Variants in KCNQ3 observed in about 807,000 individuals in gnomAD.
The protein encoded by KCNQ3 is potassium voltage-gated channel subfamily Q member 3.
In KCNQ3, 30 loss-of-function variants were observed where a neutral mutation model predicts 92.5. The observed-to-expected ratio is 0.32, with a 90% CI of 0.24 to 0.44. KCNQ3 has a LOEUF of 0.44. KCNQ3 is among the 20% of genes least tolerant of loss of function. The probability of loss-of-function intolerance (pLI) is 1.00; values close to 1 mark genes in which losing one functional copy is unlikely to be tolerated. For missense variants in KCNQ3, 913 were observed against 1,140.3 expected, an observed-to-expected ratio of 0.80 and a Z score of 2.87; for synonymous variants, 450 against 468.8, an observed-to-expected ratio of 0.96 and a Z score of 0.52.
chr8:132,227,551 A>C (rs1273310731), intron 1 of KCNQ3, among the ~76,000 whole-genome samples: 1 of 152,182 alleles, frequency 6.6e-6, no homozygotes, highest in African/African-American at 2.4e-5. Context: ...TGGAAAAATA[A>C]GTTTCTGCAG....
At chr8:132,163,397 C>A (rs1826049804) in intron 9 of KCNQ3, 71 bp downstream of exon 9, 1 of 1,335,780 alleles carries the variant, frequency 7.5e-7, no homozygotes, top group Middle Eastern at 1.8e-4. Flanking sequence ...TGGGGCCCTA[C>A]ACCATATGGA....
At chr8:132,310,557 T>A (rs538729173) in intron 1 of KCNQ3, among the ~76,000 whole-genome samples, 1 of 152,198 alleles carries the variant, frequency 6.6e-6, no homozygotes, top group African/African-American at 2.4e-5. Context: ...TGTGACTGAC[T>A]GAGATGATGC....
chr8:132,291,890 G>T (rs187350816), intron 1 of KCNQ3, among the ~76,000 whole-genome samples: 44 of 152,306 alleles, frequency 2.9e-4, no homozygotes, highest in African/African-American at 1.0e-3. Context: ...TCCATAAGTT[G>T]CAGATAACAG....
At chr8:132,362,374 C>T (rs537846647) in intron 1 of KCNQ3, among the ~76,000 whole-genome samples, 9 of 152,246 alleles carry the variant, frequency 5.9e-5, no homozygotes, top group African/African-American at 2.2e-4. Context: ...AAATTCAAAG[C>T]GTGCCTTAAG....
chr8:132,158,732 C>T (rs115536052), intron 9 of KCNQ3, among the ~76,000 whole-genome samples: 1,988 of 152,272 alleles, frequency 0.013, 41 homozygotes, highest in African/African-American at 0.044. Context: ...AAAAATAGTA[C>T]CTATCTCTTA....
At chr8:132,304,088 G>T (rs993570796) in intron 1 of KCNQ3, among the ~76,000 whole-genome samples, 1 of 151,976 alleles carries the variant, frequency 6.6e-6, no homozygotes, top group South Asian at 2.1e-4. Flanking sequence ...CTTGTAAATG[G>T]GAAATAAACC....
intron 1 of KCNQ3, among the ~76,000 whole-genome samples, chr8:132,277,109 T>G (rs1816360010): frequency 6.6e-6 from 1 of 152,154 alleles, no homozygotes; most frequent in Non-Finnish European, 1.5e-5. Flanking sequence ...TGATTAAAAC[T>G]TATTATGTGC....
chr8:132,425,832 T>C (rs1050156711), intron 1 of KCNQ3, among the ~76,000 whole-genome samples: 2 of 152,252 alleles, frequency 1.3e-5, no homozygotes, highest in South Asian at 4.1e-4. Context: ...AATGAATCTG[T>C]GTTTTCCAGT....
chr8:132,438,528 T>C (rs2130833928), intron 1 of KCNQ3, among the ~76,000 whole-genome samples: 1 of 152,248 alleles, frequency 6.6e-6, no homozygotes, highest in Admixed American at 6.5e-5. Flanking sequence ...CCAGAGGCCC[T>C]GGCCAGGCTC....
At chr8:132,251,828 T>G (rs1563630) in intron 1 of KCNQ3, among the ~76,000 whole-genome samples, 117,047 of 152,056 alleles carry the variant, frequency 0.77, 45,156 homozygotes, top group East Asian at 0.9. Flanking sequence ...CAAGCAAACA[T>G]CCCTCTCGGA....
chr8:132,143,972 A>G (rs1478659163), intron 9 of KCNQ3, among the ~76,000 whole-genome samples: 1 of 152,236 alleles, frequency 6.6e-6, no homozygotes, highest in Admixed American at 6.5e-5. Context: ...AATTCCAGAT[A>G]AACTAAGCAA....
chr8:132,346,256 A>G (rs1379581), intron 1 of KCNQ3, among the ~76,000 whole-genome samples: 86,367 of 152,048 alleles, frequency 0.57, 27,401 homozygotes, highest in African/African-American at 0.87. Flanking sequence ...TAAGCCACAT[A>G]TGGGTACCCT....
chr8:132,382,556 T>C (rs1819781669), intron 1 of KCNQ3, among the ~76,000 whole-genome samples: 2 of 152,190 alleles, frequency 1.3e-5, no homozygotes, highest in Admixed American at 6.5e-5. Flanking sequence ...TAGGTATTAA[T>C]TTATAGCAAC....
At chr8:132,303,565 G>GATATATATATATATATATATATATATAT (rs781058299) in intron 1 of KCNQ3, among the ~76,000 whole-genome samples, 425 of 42,462 alleles carry the variant, frequency 0.01, 99 homozygotes, top group Middle Eastern at 0.018. Context: ...AAGAAAATGT[G>GATATATATATATATATATATATATATAT]ATATATATAT....
At chr8:132,462,291 T>C (rs927377425) in intron 1 of KCNQ3, among the ~76,000 whole-genome samples, 1 of 152,056 alleles carries the variant, frequency 6.6e-6, no homozygotes, top group Non-Finnish European at 1.5e-5. Context: ...CTCCGCCTCC[T>C]GGATTCTCAT....
chr8:132,453,856 G>C (rs146130303), intron 1 of KCNQ3, among the ~76,000 whole-genome samples: 1 of 152,120 alleles, frequency 6.6e-6, no homozygotes, highest in Non-Finnish European at 1.5e-5. Flanking sequence ...CCAAGCAAGC[G>C]CCTGCCAGAA....
rs1816393014 is a variant in KCNQ3 at position 132,277,998 on chromosome 8, CCTT to C, written c.387-91820_387-91818del. ...ACCCCCACAGGACAGAAGGGATCATCCTTCTGTGATAGGCAGGAATTCAAGGCT... is the reference window on the plus strand; with the variant it reads ...ACCCCCACAGGACAGAAGGGATCATCCTGTGATAGGCAGGAATTCAAGGCT... On this transcript the variant is annotated intron_variant, in intron 1 of 14. Transcript: ENST00000388996. The C allele has an allele frequency of 3.0e-6, 3 of 985,380 alleles. No homozygotes were observed. In the African/African-American group the frequency reaches 5.2e-5, roughly 17 times the overall value. The allele number at this position is 985,380 out of a possible 1,614,324, so 61.0% of individuals were successfully genotyped here.
At chr8:132,138,560 T>C (rs1019444907) in intron 11 of KCNQ3, among the ~76,000 whole-genome samples, 2 of 152,220 alleles carry the variant, frequency 1.3e-5, no homozygotes, top group Non-Finnish European at 2.9e-5. Flanking sequence ...ACCTGGTTTC[T>C]GTTCCCTGAG....
intron 8 of KCNQ3, 144 bp from the exon 9 acceptor site, chr8:132,163,638 C>A (rs953264948): frequency 4.4e-5 from 34 of 767,274 alleles, no homozygotes; most frequent in Non-Finnish European, 7.1e-5. Context: ...GTGGAGGGAA[C>A]CAATGAAGGA....
Sources: allele counts gnomAD v4.1 joint callset (sites outside exome capture counted in the v4.1 genomes callset), GRCh38; gene constraint gnomAD v4.1.1; transcripts MANE v1.5; gene names NCBI Gene and HGNC (gene_info 2026-07-23, HGNC 2026-07-21).